FGF9: variants seen among roughly 807,000 people sequenced by gnomAD.
FGF9 encodes the protein fibroblast growth factor 9 (glia-activating factor).
FGF9 carries 3 observed loss-of-function variants against 19.9 expected under a neutral mutation model. The observed-to-expected ratio is 0.15, with a 90% CI of 0.07 to 0.39. FGF9 has a LOEUF of 0.39. Among genes scored for constraint, FGF9 ranks in the 10% least tolerant of loss-of-function variants. The probability of loss-of-function intolerance (pLI) is 1.00; values close to 1 mark genes in which losing one functional copy is unlikely to be tolerated. For synonymous variants in FGF9, 107 were observed against 106.9 expected, an observed-to-expected ratio of 1.00 and a Z score of -0.01; for missense variants, 175 against 256.8, an observed-to-expected ratio of 0.68 and a Z score of 2.18.
At chr13:21,681,730 G>C (rs889804645) in intron 2 of FGF9, among the ~76,000 whole-genome samples, 2 of 152,198 alleles carry the variant, frequency 1.3e-5, no homozygotes, top group Admixed American at 6.5e-5. Context: ...AGTATTTATT[G>C]TGCTCTGCCA....
chr13:21,700,540 A>AGTAGTAAGT (rs1321142790), intron 2 of FGF9, among the ~76,000 whole-genome samples: 3 of 152,210 alleles, frequency 2.0e-5, no homozygotes, highest in African/African-American at 7.2e-5. Context: ...GTAGTAAGTA[A>AGTAGTAAGT]ATGCTGCTGC....
chr13:21,682,661 A>T (rs1872067998), intron 2 of FGF9, among the ~76,000 whole-genome samples: 1 of 151,940 alleles, frequency 6.6e-6, no homozygotes, highest in South Asian at 2.1e-4. Context: ...TACATTAAAA[A>T]AATAGAAAAT....
chr13:21,683,412 C>T (rs1409176722), intron 2 of FGF9, among the ~76,000 whole-genome samples: 1 of 152,246 alleles, frequency 6.6e-6, no homozygotes, highest in Admixed American at 6.5e-5. Context: ...GCCAGGTAGA[C>T]AGCTGGAGAG....
In FGF9 at chr13:21,671,960, G is replaced by C. The variant is rs768992823; in HGVS notation, c.48G>C (p.Ala16=). 6.2e-7 allele frequency: 1 copy of C among 1,614,088 alleles called. No individual in the cohort carries two copies. Among genetic ancestry groups the C allele is most frequent in the Admixed American group, 1.7e-5 (1 of 60,008 alleles). The part of the protein sequence containing the change: ...EVGNYFGVQD[A]VPFGNVPVLP... Reference sequence around the variant, plus strand: ...GGAACTATTTCGGTGTGCAGGATGCGGTACCGTTTGGGAATGTGCCCGTGT... The same window carrying C: ...GGAACTATTTCGGTGTGCAGGATGCCGTACCGTTTGGGAATGTGCCCGTGT... The change falls in exon 1 of 3, where the codon GCG becomes GCC. Residue 16 remains alanine (A), a synonymous_variant. Coordinates refer to ENST00000382353, the MANE Select transcript of FGF9 (RefSeq NM_002010.3).
Position 21,671,984 on chromosome 13 carries a change from G to C in FGF9, c.72G>C (p.Val24=). 3 of 1,614,238 alleles carry C rather than the reference G, an allele frequency of 1.9e-6. No homozygotes were observed. The highest frequency in any genetic ancestry group is 2.5e-6 in the Non-Finnish European group (3 of 1,180,040). ...QDAVPFGNVP[V]LPVDSPVLLS... ...CGGTACCGTTTGGGAATGTGCCCGTGTTGCCGGTGGACAGCCCGGTTTTGT... is the reference window on the plus strand; with the variant it reads ...CGGTACCGTTTGGGAATGTGCCCGTCTTGCCGGTGGACAGCCCGGTTTTGT... The change falls in exon 1 of 3, where the codon GTG becomes GTC. Residue 24 remains valine, a synonymous_variant. Transcript: ENST00000382353.
intron 2 of FGF9, among the ~76,000 whole-genome samples, chr13:21,695,443 G>C (rs1203457599): frequency 6.6e-6 from 1 of 151,738 alleles, no homozygotes; most frequent in African/African-American, 2.4e-5. Flanking sequence ...AGAGGTTTTG[G>C]AAAACAGGGC....
At chr13:21,700,908 G>C (rs1401022889) in intron 2 of FGF9, among the ~76,000 whole-genome samples, 1 of 152,128 alleles carries the variant, frequency 6.6e-6, no homozygotes, top group Non-Finnish European at 1.5e-5. Context: ...GTTAAAATGG[G>C]CTAAAACATC....
At chr13:21,676,454 G>A (rs1303690363) in intron 1 of FGF9, among the ~76,000 whole-genome samples, 1 of 152,188 alleles carries the variant, frequency 6.6e-6, no homozygotes, top group Admixed American at 6.5e-5. Flanking sequence ...GGGTGTTTAA[G>A]GAGATGGTTT....
In FGF9 at chr13:21,685,227, T is replaced by A. The variant is rs1039109422; in HGVS notation, c.381+4082T>A. ...TTTTCTAAACGGTTAGAAACTGATC[T>A]CATTACGAAAGAAGGTAAATAGGAG... is the stretch of plus-strand genomic sequence containing the variant. On this transcript the variant is annotated intron_variant, in intron 2 of 2. Coordinates refer to ENST00000382353, the MANE Select transcript of FGF9 (RefSeq NM_002010.3). Among the ~76,000 whole-genome samples the A allele has an allele frequency of 2.6e-5, 4 of 152,204 alleles. No individual in the cohort carries two copies. The East Asian group carries it at 7.7e-4, about 29-fold the overall frequency.
intron 1 of FGF9, among the ~76,000 whole-genome samples, chr13:21,680,106 G>A (rs1766545448): frequency 6.6e-6 from 1 of 152,124 alleles, no homozygotes; most frequent in Non-Finnish European, 1.5e-5. Context: ...TATTCTTAGT[G>A]AGGTAAGCAA....
chr13:21,686,176 G>A (rs567453879), intron 2 of FGF9, among the ~76,000 whole-genome samples: 29 of 152,092 alleles, frequency 1.9e-4, no homozygotes, highest in Non-Finnish European at 2.9e-4. Flanking sequence ...ATTACAGTGC[G>A]TGCCACCAAG....
At chr13:21,696,547 C>T (rs1593099451) in intron 2 of FGF9, among the ~76,000 whole-genome samples, 1 of 151,838 alleles carries the variant, frequency 6.6e-6, no homozygotes, top group Non-Finnish European at 1.5e-5. Flanking sequence ...GCATTAGAAA[C>T]GTGGTGGGTT....
Position 21,671,104 on chromosome 13 carries a change from G to A in FGF9, c.-809G>A, listed in dbSNP as rs541124749. Among the ~76,000 whole-genome samples the A allele has an allele frequency of 1.3e-5, 2 of 152,132 alleles. No homozygotes were observed. Among genetic ancestry groups the A allele is most frequent in the African/African-American group, 2.4e-5 (1 of 41,458 alleles). On this transcript the variant is annotated 5_prime_UTR_variant, in exon 1 of 3. Transcript: ENST00000382353. ...CTGCGCGCCGGCGGGGGCTGCGCAG[G>A]AGGAGCGCTCCGCCCGGCTACAACG...
At chr13:21,686,713 A>G (rs1025510768) in intron 2 of FGF9, among the ~76,000 whole-genome samples, 3 of 152,236 alleles carry the variant, frequency 2.0e-5, no homozygotes, top group Non-Finnish European at 4.4e-5. Context: ...AGGGCAATTT[A>G]TGTGCAGTTG....
In FGF9 at chr13:21,691,580, A is replaced by G. The variant is rs1872290713; in HGVS notation, c.382-9610A>G. The stretch of plus-strand genomic sequence containing the variant: ...GAGGCATCTTTGCTGACATGTGGAG[A>G]GTCCTCCCCTGTCAGCATCAGCAGC... On this transcript the variant is annotated intron_variant, in intron 2 of 2. Transcript: ENST00000382353. The surrounding 1 kb of genome is among the most constrained non-coding windows in gnomAD (Gnocchi z 4.2). Among the ~76,000 whole-genome samples, 2 of 152,036 alleles carry G rather than the reference A, an allele frequency of 1.3e-5. No individual in the cohort carries two copies. Among genetic ancestry groups the G allele is most frequent in the African/African-American group, 4.8e-5 (2 of 41,402 alleles).
At chr13:21,684,439 C>T (rs1166099339) in intron 2 of FGF9, among the ~76,000 whole-genome samples, 2 of 152,090 alleles carry the variant, frequency 1.3e-5, no homozygotes, top group African/African-American at 4.8e-5. Context: ...TATTTTTGTC[C>T]CGCATTGGAT....
At chr13:21,694,812 A>G (rs916365466) in intron 2 of FGF9, among the ~76,000 whole-genome samples, 2 of 152,250 alleles carry the variant, frequency 1.3e-5, no homozygotes, top group Non-Finnish European at 2.9e-5. Flanking sequence ...CTCAAAGTAA[A>G]TATTAAACTT....
intron 2 of FGF9, among the ~76,000 whole-genome samples, chr13:21,686,597 A>G (rs1259224259): frequency 6.6e-6 from 1 of 152,178 alleles, no homozygotes; most frequent in Non-Finnish European, 1.5e-5. Context: ...TAGCACTTAC[A>G]TTATTTTGCC....
intron 2 of FGF9, among the ~76,000 whole-genome samples, chr13:21,694,037 T>G (rs1422916280): frequency 6.6e-6 from 1 of 152,162 alleles, no homozygotes; most frequent in Non-Finnish European, 1.5e-5. Context: ...GCTTTCCACA[T>G]TTTGATGTTT....
Sources: allele counts gnomAD v4.1 joint callset (sites outside exome capture counted in the v4.1 genomes callset), GRCh38; gene constraint gnomAD v4.1.1; non-coding constraint Gnocchi (gnomAD v3.1); transcripts MANE v1.5; gene names NCBI Gene and HGNC (gene_info 2026-07-23, HGNC 2026-07-21).